STIM2: variants seen among roughly 807,000 people sequenced by gnomAD.
The protein encoded by STIM2 is stromal interaction molecule 2.
Under a neutral mutation model 85.8 loss-of-function variants are expected in STIM2, and 31 were observed. The ratio of observed to expected loss-of-function variants is 0.36; its 90% confidence interval spans 0.27 to 0.49. The LOEUF (loss-of-function observed/expected upper bound fraction) is 0.49, where lower values mean the gene tolerates loss of function less well. STIM2 is among the 20% of genes least tolerant of loss of function. The pLI is 0.98. For synonymous variants in STIM2, 356 were observed against 331.1 expected (o/e 1.08, Z -0.82); for missense variants, 841 against 927.6 (o/e 0.91, Z 1.21).
chr4:27,002,844 C>A, intron 6 of STIM2, 83 bp from the exon 7 acceptor site: 1 of 1,185,544 alleles, frequency 8.4e-7, no homozygotes, highest in Non-Finnish European at 1.1e-6. Context: ...TATTTAATCG[C>A]TTGACCCAGT....
intron 2 of STIM2, among the ~76,000 whole-genome samples, chr4:26,947,361 T>A (rs940634505): frequency 6.6e-6 from 1 of 152,208 alleles, no homozygotes; most frequent in African/African-American, 2.4e-5. Flanking sequence ...TATAATAAAT[T>A]CATATCGAAA....
intron 1 of STIM2, among the ~76,000 whole-genome samples, chr4:26,896,995 T>G (rs1723734292): frequency 6.6e-6 from 1 of 152,248 alleles, no homozygotes; most frequent in Non-Finnish European, 1.5e-5. Flanking sequence ...ATAATACTCT[T>G]AAGATCCATT....
chr4:26,984,669 A>C (rs1019641400), intron 3 of STIM2, among the ~76,000 whole-genome samples: 1 of 152,132 alleles, frequency 6.6e-6, no homozygotes. Context: ...CCCAGCCTTC[A>C]ATTTCTAATT....
rs556183627 is a variant in STIM2 at position 26,928,181 on chromosome 4, G to A, written c.282+8547G>A. Among the ~76,000 whole-genome samples the A allele has an allele frequency of 3.9e-5, 6 of 152,074 alleles. No individual in the cohort carries two copies. In the South Asian group the frequency reaches 1.2e-3, roughly 32 times the overall value. On this transcript the variant is annotated intron_variant, in intron 2 of 11. Transcript: ENST00000467087. ...CATTAATTCCTCTCCTGAGGGTTGG[G>A]CCCTTATGGTCCTATTACCTCCCAG... is the stretch of plus-strand genomic sequence containing the variant.
At chr4:27,009,473 T>G (rs1050435645) in intron 10 of STIM2, among the ~76,000 whole-genome samples, 1 of 152,184 alleles carries the variant, frequency 6.6e-6, no homozygotes, top group African/African-American at 2.4e-5. Flanking sequence ...CCGCTTAATG[T>G]ATAGTAGGAA....
Position 26,879,546 on chromosome 4 carries a change from A to G in STIM2, c.151+18177A>G, listed in dbSNP as rs141515084. ...ACACAGTCATTGTGTTAAGTTTTTC[A>G]TAGGTTCACATTTAATTCTCCCAAC... is the stretch of plus-strand genomic sequence containing the variant. On this transcript the variant is annotated intron_variant, in intron 1 of 11. Transcript: ENST00000467087. 7.7e-3 allele frequency among the ~76,000 whole-genome samples: 1,173 copies of G among 152,250 alleles called. 20 individuals are homozygous for G. Among genetic ancestry groups the G allele is most frequent in the African/African-American group, 0.026 (1,093 of 41,530 alleles).
chr4:26,977,189 G>A (rs959857254), intron 3 of STIM2, among the ~76,000 whole-genome samples: 2 of 152,126 alleles, frequency 1.3e-5, no homozygotes, highest in Non-Finnish European at 1.5e-5. Context: ...GCCACACCAA[G>A]GCTTACGGCT....
chr4:26,923,036 G>T (rs1029568400), intron 2 of STIM2, among the ~76,000 whole-genome samples: 5 of 151,652 alleles, frequency 3.3e-5, no homozygotes, highest in African/African-American at 1.2e-4. Flanking sequence ...TCTGAGAACG[G>T]GCAGACTGCC....
chr4:27,001,367 C>T (rs1182556952), intron 5 of STIM2, among the ~76,000 whole-genome samples: 3 of 152,186 alleles, frequency 2.0e-5, no homozygotes, highest in East Asian at 1.9e-4. Context: ...GGCAGTAGGC[C>T]CTGGCTCCTC....
chr4:27,005,050 T>G (rs1047267728), intron 7 of STIM2, among the ~76,000 whole-genome samples: 2 of 152,234 alleles, frequency 1.3e-5, no homozygotes, highest in Non-Finnish European at 2.9e-5. Context: ...AGTCTGTGTC[T>G]TCTTATACTG....
intron 3 of STIM2, among the ~76,000 whole-genome samples, chr4:26,972,931 C>T (rs1350112288): frequency 6.6e-6 from 1 of 152,114 alleles, no homozygotes; most frequent in African/African-American, 2.4e-5. Flanking sequence ...TGTTATTGTT[C>T]CATTCAGAGA....
At chr4:26,905,126 G>C (rs941219114) in intron 1 of STIM2, among the ~76,000 whole-genome samples, 4 of 152,186 alleles carry the variant, frequency 2.6e-5, no homozygotes, top group African/African-American at 9.7e-5. Flanking sequence ...TGAGGATCAA[G>C]AAGATACGAA....
In STIM2 at chr4:27,008,875, G is replaced by T; in HGVS notation, c.1362G>T (p.Leu454=). Residue 454 remains leucine, a synonymous_variant, in exon 10 of 12, where the codon CTG becomes CTT. Transcript: ENST00000467087. ...CCCATAACTCAGGACTCCCCAGCCTGACCTCTTCCCTTTATTCTGATCACA... is the reference window on the plus strand; with the variant it reads ...CCCATAACTCAGGACTCCCCAGCCTTACCTCTTCCCTTTATTCTGATCACA... 1 of 1,614,128 alleles carries T rather than the reference G, an allele frequency of 6.2e-7. No homozygotes were observed. The highest frequency in any genetic ancestry group is 8.5e-7 in the Non-Finnish European group (1 of 1,180,016).
chr4:27,009,455 T>G (rs1728488753), intron 10 of STIM2, among the ~76,000 whole-genome samples: 1 of 152,160 alleles, frequency 6.6e-6, no homozygotes, highest in South Asian at 2.1e-4. Flanking sequence ...AAATATCCTT[T>G]CAAATGGCCG....
intron 2 of STIM2, among the ~76,000 whole-genome samples, chr4:26,945,771 C>A (rs182522735): frequency 2.9e-3 from 446 of 152,018 alleles, no homozygotes; most frequent in African/African-American, 0.01. Flanking sequence ...CTGTTCATGT[C>A]CTTTGCCCAC....
chr4:26,969,365 G>A (rs1726845324), intron 3 of STIM2, among the ~76,000 whole-genome samples: 1 of 152,094 alleles, frequency 6.6e-6, no homozygotes, highest in Non-Finnish European at 1.5e-5. Context: ...GCATTTGTTT[G>A]GTTTCTGAAT....
intron 1 of STIM2, among the ~76,000 whole-genome samples, chr4:26,866,594 A>G (rs1273267379): frequency 1.3e-5 from 2 of 152,186 alleles, no homozygotes; most frequent in East Asian, 1.9e-4. Context: ...AGTTAAGTAT[A>G]AGGTATATGT....
At chr4:26,939,120 A>G (rs111395594) in intron 2 of STIM2, among the ~76,000 whole-genome samples, 2 of 152,074 alleles carry the variant, frequency 1.3e-5, no homozygotes, top group Admixed American at 6.6e-5. Context: ...GAATCTTACC[A>G]TACTGAGTAA....
At chr4:26,991,654 T>A (rs951296095) in intron 3 of STIM2, among the ~76,000 whole-genome samples, 14 of 152,274 alleles carry the variant, frequency 9.2e-5, no homozygotes, top group Admixed American at 8.5e-4. Context: ...TCACACATTG[T>A]ATACGTGTAT....
Sources: gnomAD v4.1 joint callset for allele counts (sites outside exome capture counted in the v4.1 genomes callset) on GRCh38, gnomAD v4.1.1 for gene constraint, MANE v1.5 for transcripts, NCBI Gene and HGNC (gene_info 2026-07-23, HGNC 2026-07-21) for gene names.